CLIP2: variants seen among roughly 807,000 people sequenced by gnomAD.
The protein encoded by CLIP2 is CAP-Gly domain-containing linker protein 2.
CLIP2 carries 41 observed loss-of-function variants against 111.7 expected under a neutral mutation model. The observed-to-expected ratio is 0.37, with a 90% CI of 0.29 to 0.48. The LOEUF is 0.48. Among genes scored for constraint, CLIP2 ranks in the 20% least tolerant of loss-of-function variants. The pLI, the probability that CLIP2 is intolerant of heterozygous loss-of-function variation, is 0.99. For synonymous variants in CLIP2, 660 were observed against 644.2 expected (o/e 1.02, Z -0.37); for missense variants, 1,160 against 1,422.1 (o/e 0.82, Z 2.96).
intron 8 of CLIP2, among the ~76,000 whole-genome samples, chr7:74,371,094 G>C (rs1790602538): frequency 6.6e-6 from 1 of 151,890 alleles, no homozygotes; most frequent in Non-Finnish European, 1.5e-5. Flanking sequence ...AAATACAAAA[G>C]TTAGCTGGGC....
chr7:74,354,114 AG>A, intron 4 of CLIP2, 110 bp downstream of exon 4: 1 of 1,301,174 alleles, frequency 7.7e-7, no homozygotes, highest in East Asian at 2.3e-5. Context: ...ATGTAGTGTC[AG>A]ACACCATAAG....
chr7:74,363,623 G>A (rs184193137), intron 7 of CLIP2, among the ~76,000 whole-genome samples: 6 of 152,272 alleles, frequency 3.9e-5, no homozygotes, highest in African/African-American at 1.4e-4. Flanking sequence ...GGAGGCTCAC[G>A]CCTGTAATCC....
chr7:74,392,675 A>C (rs1791326167), intron 13 of CLIP2, among the ~76,000 whole-genome samples: 1 of 152,058 alleles, frequency 6.6e-6, no homozygotes, highest in African/African-American at 2.4e-5. Context: ...AAAAATACAA[A>C]AATTATCCAG....
intron 2 of CLIP2, among the ~76,000 whole-genome samples, chr7:74,326,848 G>C (rs905577967): frequency 6.6e-6 from 1 of 151,896 alleles, no homozygotes; most frequent in Admixed American, 6.6e-5. Flanking sequence ...ATATTGGCCA[G>C]GCTGGTCTTG....
chr7:74,366,744 C>T (rs1211258061), intron 8 of CLIP2, among the ~76,000 whole-genome samples: 3 of 152,088 alleles, frequency 2.0e-5, no homozygotes, highest in Admixed American at 6.6e-5. Context: ...GGCATGGTGA[C>T]GGGCGCCTCT....
At chr7:74,314,179 CAA>C (rs35306275) in intron 1 of CLIP2, among the ~76,000 whole-genome samples, 4 of 123,112 alleles carry the variant, frequency 3.2e-5, no homozygotes, top group Admixed American at 8.5e-5. Flanking sequence ...GACTCTGTCT[CAA>C]AAAAAAAAAA....
chr7:74,350,777 G>A (rs1789962631), intron 3 of CLIP2, among the ~76,000 whole-genome samples: 1 of 151,840 alleles, frequency 6.6e-6, no homozygotes, highest in African/African-American at 2.4e-5. Context: ...CAAGGCAGGA[G>A]GATCACTTGA....
intron 14 of CLIP2, among the ~76,000 whole-genome samples, chr7:74,399,792 G>T (rs964862429): frequency 6.6e-6 from 1 of 151,588 alleles, no homozygotes; most frequent in African/African-American, 2.4e-5. Flanking sequence ...TGCCTGCCTC[G>T]GCCTCCCAAA....
At position 74,375,887 on chromosome 7, in the gene CLIP2, C is replaced by T; in HGVS notation, c.1486C>T (p.Leu496=). 2 of 1,539,704 alleles carry T rather than the reference C, an allele frequency of 1.3e-6. No homozygotes were observed. Among genetic ancestry groups the T allele is most frequent in the Non-Finnish European group, 1.7e-6 (2 of 1,143,106 alleles). The change falls in exon 10 of 17, where the codon CTG becomes TTG. Residue 496 remains leucine (L), a splice_region_variant and synonymous_variant. Coordinates refer to ENST00000223398, the MANE Select transcript of CLIP2 (RefSeq NM_003388.5). ...TCCCTGTCTCCCTCTCTCCCCACAG[C>T]TGACCACAGTGGCCGAGAAGTCGCG... is the stretch of plus-strand genomic sequence containing the variant. ...RLLRELADNR[L]TTVAEKSRVL...
intron 3 of CLIP2, among the ~76,000 whole-genome samples, chr7:74,343,163 G>C (rs1480771779): frequency 6.6e-6 from 1 of 151,892 alleles, no homozygotes; most frequent in Non-Finnish European, 1.5e-5. Context: ...ACTCCAGCCT[G>C]GGCAACAGAG....
At chr7:74,401,363 T>C in intron 15 of CLIP2, 142 bp from the exon 16 acceptor site, 1 of 736,628 alleles carries the variant, frequency 1.4e-6, no homozygotes, top group Non-Finnish European at 2.3e-6. Flanking sequence ...GGCTTGGTCT[T>C]TGGGGGTGCT....
intron 7 of CLIP2, among the ~76,000 whole-genome samples, chr7:74,363,683 G>A (rs937866472): frequency 6.6e-6 from 1 of 152,096 alleles, no homozygotes; most frequent in African/African-American, 2.4e-5. Flanking sequence ...CCAGGAGTTC[G>A]AGACCAGCCT....
At chr7:74,301,709 G>GT (rs1215916035) in intron 1 of CLIP2, among the ~76,000 whole-genome samples, 8 of 89,270 alleles carry the variant, frequency 9.0e-5, no homozygotes, top group Non-Finnish European at 2.7e-4. Flanking sequence ...TTGTTTGTTT[G>GT]TTTTGTTTTT....
chr7:74,320,258 A>C (rs1457584695), intron 2 of CLIP2, among the ~76,000 whole-genome samples: 8 of 149,776 alleles, frequency 5.3e-5, no homozygotes, highest in Admixed American at 6.7e-5. Context: ...GGGCACAGTG[A>C]CTCAAGCCTG....
intron 2 of CLIP2, among the ~76,000 whole-genome samples, chr7:74,318,900 C>T (rs1334381605): frequency 6.6e-6 from 1 of 152,138 alleles, no homozygotes; most frequent in African/African-American, 2.4e-5. Context: ...AACCTGGGTC[C>T]TGGGGAAGGG....
At chr7:74,392,400 C>T (rs1416080900) in intron 13 of CLIP2, among the ~76,000 whole-genome samples, 1 of 150,932 alleles carries the variant, frequency 6.6e-6, no homozygotes, top group African/African-American at 2.4e-5. Flanking sequence ...GGGCGTGGAG[C>T]ACACGCCTGT....
At chr7:74,304,017 A>C (rs1362236238) in intron 1 of CLIP2, among the ~76,000 whole-genome samples, 1 of 151,782 alleles carries the variant, frequency 6.6e-6, no homozygotes, top group Non-Finnish European at 1.5e-5. Flanking sequence ...GGACTCAAGC[A>C]ATCCTCCCAC....
rs868968689 is a variant in CLIP2, at chr7:74,336,896, T to G, written c.122-1552T>G. On this transcript the variant is annotated intron_variant, in intron 2 of 16. Transcript: ENST00000223398. ...TTTTGTTTTTTTTTGTTTTGTTTTT[T>G]TTTTTTTGAGACAGAGTCTCACTCT... 1.6e-3 allele frequency among the ~76,000 whole-genome samples: 196 copies of G among 121,868 alleles called. 1 individual carries two copies. Among genetic ancestry groups the G allele is most frequent in the African/African-American group, 3.3e-3 (119 of 35,820 alleles). The allele number at this position is 121,868 out of a possible 152,430, so 80.0% of individuals were successfully genotyped here. A position where few individuals can be genotyped will look rare whatever the true frequency, so the allele number is the denominator to read the frequency against.
At chr7:74,386,482 A>C in intron 11 of CLIP2, 39 bp from the exon 12 acceptor site, 1 of 1,569,894 alleles carries the variant, frequency 6.4e-7, no homozygotes, top group Non-Finnish European at 8.7e-7. Flanking sequence ...GCTTTGGTCC[A>C]GGAGCATTGA....
Sources: gnomAD v4.1 joint callset for allele counts (sites outside exome capture counted in the v4.1 genomes callset) on GRCh38, gnomAD v4.1.1 for gene constraint, MANE v1.5 for transcripts, NCBI Gene and HGNC (gene_info 2026-07-23, HGNC 2026-07-21) for gene names.